Variants in NALF1 observed in about 807,000 individuals in gnomAD.
NALF1 encodes the protein NALCN channel auxiliary factor 1.
NALF1 carries 3 observed loss-of-function variants against 48.4 expected under a neutral mutation model. That is an observed-to-expected ratio of 0.06 (90% CI 0.03 to 0.16). The LOEUF (loss-of-function observed/expected upper bound fraction) is 0.16, where lower values mean the gene tolerates loss of function less well. Among genes scored for constraint, NALF1 ranks in the 10% least tolerant of loss-of-function variants. The probability of loss-of-function intolerance (pLI) is 1.00; values close to 1 mark genes in which losing one functional copy is unlikely to be tolerated. For missense variants in NALF1, 526 were observed against 571.5 expected, an observed-to-expected ratio of 0.92 and a Z score of 0.81; for synonymous variants, 262 against 245.7, an observed-to-expected ratio of 1.07 and a Z score of -0.62.
At chr13:107,839,057 A>G (rs141719084) in intron 1 of NALF1, among the ~76,000 whole-genome samples, 1 of 152,074 alleles carries the variant, frequency 6.6e-6, no homozygotes, top group African/African-American at 2.4e-5. Context: ...GTGAGGATAC[A>G]TGGTGACCTC....
At chr13:107,284,312 C>G (rs754744823) in intron 1 of NALF1, among the ~76,000 whole-genome samples, 1 of 133,128 alleles carries the variant, frequency 7.5e-6, no homozygotes, top group Non-Finnish European at 1.8e-5. Context: ...GAAAAAACAT[C>G]ACAAAGTATA....
At chr13:107,563,581 T>C (rs1877707131) in intron 1 of NALF1, among the ~76,000 whole-genome samples, 1 of 152,220 alleles carries the variant, frequency 6.6e-6, no homozygotes, top group Non-Finnish European at 1.5e-5. Flanking sequence ...GTAGAAAAGA[T>C]TGTGACGTAT....
At chr13:107,225,991 C>T (rs1194006898) in intron 1 of NALF1, among the ~76,000 whole-genome samples, 2 of 152,066 alleles carry the variant, frequency 1.3e-5, no homozygotes, top group African/African-American at 2.4e-5. Flanking sequence ...TTTCTACTTG[C>T]CACACACGTG....
Position 107,565,619 on chromosome 13 carries a change from T to C in NALF1, c.915+300063A>G, listed in dbSNP as rs926811159. On this transcript the variant is annotated intron_variant, in intron 1 of 2. Coordinates refer to ENST00000375915, the MANE Select transcript of NALF1 (RefSeq NM_001080396.3). ...CTGACACAAATTCATTCTCTGATTC[T>C]AGCAAGTGGTGATTCTCAGTAGGTT... Among the ~76,000 whole-genome samples the C allele has an allele frequency of 1.1e-3, 166 of 152,282 alleles. 2 individuals are homozygous for C. The highest frequency in any genetic ancestry group is 3.8e-3 in the African/African-American group (156 of 41,552).
At chr13:107,348,919 T>C (rs561823719) in intron 1 of NALF1, among the ~76,000 whole-genome samples, 1 of 152,330 alleles carries the variant, frequency 6.6e-6, no homozygotes, top group Non-Finnish European at 1.5e-5. Flanking sequence ...AGCTCCTCCT[T>C]TGTAAGATGC....
rs556405469 is a variant in NALF1 at position 107,837,350 on chromosome 13, G to A, written c.915+28332C>T. 3.9e-5 allele frequency among the ~76,000 whole-genome samples: 6 copies of A among 152,302 alleles called. No homozygotes were observed. The East Asian group carries it at 1.2e-3, about 29-fold the overall frequency. On this transcript the variant is annotated intron_variant, in intron 1 of 2. Transcript: ENST00000375915. ...GCATCTCAGATGTTATTATGCTTGG[G>A]CATCCCCTCCAGAGCCTATTGAACC...
At chr13:107,280,787 T>G (rs974400698) in intron 1 of NALF1, among the ~76,000 whole-genome samples, 3 of 152,208 alleles carry the variant, frequency 2.0e-5, no homozygotes, top group African/African-American at 7.2e-5. Flanking sequence ...TCTTTATTTG[T>G]ACTCTTTACC....
intron 1 of NALF1, among the ~76,000 whole-genome samples, chr13:107,270,754 GC>G (rs921709358): frequency 6.6e-6 from 1 of 151,670 alleles, no homozygotes; most frequent in African/African-American, 2.4e-5. Flanking sequence ...ATGTTGGTGT[GC>G]TGCACCCATT....
At chr13:107,711,576 A>C (rs1435249317) in intron 1 of NALF1, among the ~76,000 whole-genome samples, 1 of 152,200 alleles carries the variant, frequency 6.6e-6, no homozygotes, top group East Asian at 1.9e-4. Context: ...TCTTTAACCT[A>C]GTATAAAGTA....
chr13:107,197,559 G>T (rs1190627933), intron 2 of NALF1, among the ~76,000 whole-genome samples: 1 of 152,156 alleles, frequency 6.6e-6, no homozygotes, highest in African/African-American at 2.4e-5. Context: ...GCTTCTTCAT[G>T]TGTGGCTGAT....
At chr13:107,284,888 T>G (rs1195745025) in intron 1 of NALF1, among the ~76,000 whole-genome samples, 1 of 145,244 alleles carries the variant, frequency 6.9e-6, no homozygotes, top group Non-Finnish European at 1.5e-5. Context: ...TCATTTCTAT[T>G]GTTTGAGCCA....
chr13:107,705,428 T>G (rs1881924343), intron 1 of NALF1, among the ~76,000 whole-genome samples: 1 of 152,174 alleles, frequency 6.6e-6, no homozygotes, highest in South Asian at 2.1e-4. Context: ...ATGTATGCAC[T>G]TGCTTTTAGA....
At chr13:107,791,789 G>A (rs929332243) in intron 1 of NALF1, among the ~76,000 whole-genome samples, 4 of 136,798 alleles carry the variant, frequency 2.9e-5, no homozygotes, top group African/African-American at 5.3e-5. Context: ...GCCCCCCCCC[G>A]TCTCTACTAA....
chr13:107,400,682 T>C (rs1402917513), intron 1 of NALF1, among the ~76,000 whole-genome samples: 1 of 151,722 alleles, frequency 6.6e-6, no homozygotes, highest in East Asian at 1.9e-4. Context: ...CCAGCCTGGG[T>C]GACAGAGCGA....
At chr13:107,638,383 A>T (rs1880049817) in intron 1 of NALF1, among the ~76,000 whole-genome samples, 1 of 151,850 alleles carries the variant, frequency 6.6e-6, no homozygotes, top group East Asian at 2.0e-4. Flanking sequence ...TAACCTAGGT[A>T]AGGAAAGTAT....
chr13:107,236,570 C>T (rs1265738174), intron 1 of NALF1, among the ~76,000 whole-genome samples: 1 of 152,104 alleles, frequency 6.6e-6, no homozygotes, highest in Non-Finnish European at 1.5e-5. Flanking sequence ...TTTCTTAATG[C>T]TAGACATCAA....
intron 1 of NALF1, among the ~76,000 whole-genome samples, chr13:107,603,283 C>T (rs1044039431): frequency 6.6e-6 from 1 of 152,124 alleles, no homozygotes; most frequent in Non-Finnish European, 1.5e-5. Context: ...ACTCCATTTG[C>T]TGTTAGCTGA....
chr13:107,785,003 A>C (rs1878027566), intron 1 of NALF1, among the ~76,000 whole-genome samples: 1 of 151,876 alleles, frequency 6.6e-6, no homozygotes, highest in Non-Finnish European at 1.5e-5. Flanking sequence ...ACCAACCCAA[A>C]TGCCCAAATG....
intron 1 of NALF1, among the ~76,000 whole-genome samples, chr13:107,280,313 C>T (rs1881362559): frequency 6.6e-6 from 1 of 152,150 alleles, no homozygotes; most frequent in African/African-American, 2.4e-5. Context: ...GTAGTTTTCT[C>T]TCTTTTTAAA....
Sources: allele counts gnomAD v4.1 joint callset (sites outside exome capture counted in the v4.1 genomes callset), GRCh38; gene constraint gnomAD v4.1.1; transcripts MANE v1.5; gene names NCBI Gene and HGNC (gene_info 2026-07-23, HGNC 2026-07-21).